The following PCDHGA8 variants were observed in gnomAD, a reference collection of about 807,000 sequenced individuals.
PCDHGA8 encodes protocadherin gamma-A8.
In PCDHGA8, 45 loss-of-function variants were observed where a neutral mutation model predicts 59.2. The observed-to-expected ratio is 0.76, with a 90% CI of 0.60 to 0.98. The LOEUF (loss-of-function observed/expected upper bound fraction) is 0.98. Ranked by LOEUF, PCDHGA8 falls within the 50% of genes least tolerant of loss-of-function variation. The pLI, the probability that PCDHGA8 is intolerant of heterozygous loss-of-function variation, is 0.00. For synonymous variants in PCDHGA8, 531 were observed against 519.0 expected (o/e 1.02, Z -0.32); for missense variants, 1,257 against 1,196.2 (o/e 1.05, Z -0.75).
chr5:141,502,516 A>G (rs947349505), intron 2 of PCDHGA8, among the ~76,000 whole-genome samples: 1 of 152,146 alleles, frequency 6.6e-6, no homozygotes, highest in African/African-American at 2.4e-5. Flanking sequence ...TCCCACTATC[A>G]GTGATGCCGA....
At position 141,431,776 on chromosome 5, in the gene PCDHGA8, C is replaced by A; in HGVS notation, c.2424+36539C>A. Reference sequence around the variant, plus strand: ...CCAAAGTCCTGATCACTGTTCTGGACGTGAACGACAATGCCCCAGAAGTGG... The same window carrying A: ...CCAAAGTCCTGATCACTGTTCTGGAAGTGAACGACAATGCCCCAGAAGTGG... On this transcript the variant is annotated intron_variant, in intron 1 of 3. Coordinates refer to ENST00000398604, the MANE Select transcript of PCDHGA8 (RefSeq NM_032088.2). The surrounding 1 kb of genome is among the most constrained non-coding windows in gnomAD (Gnocchi z 4.8). The A allele has an allele frequency of 6.2e-7, 1 of 1,614,228 alleles. No homozygotes were observed. The highest frequency in any genetic ancestry group is 8.5e-7 in the Non-Finnish European group (1 of 1,180,044).
chr5:141,393,735 G>C lies in PCDHGA8; in HGVS notation c.922G>C (p.Asp308His), dbSNP rs1478004701. The change falls in exon 1 of 4, where the codon GAT becomes CAT. Residue 308 changes from aspartate (D) to histidine (H), a missense_variant. Coordinates refer to ENST00000398604, the MANE Select transcript of PCDHGA8 (RefSeq NM_032088.2). ...TGEISIAKSL[D>H]YEECSFYEME... ...GGAAATATCAATAGCAAAAAGTCTA[G>C]ATTATGAAGAATGTTCATTTTATGA... 1.9e-6 allele frequency: 3 copies of C among 1,613,740 alleles called. No individual in the cohort carries two copies. The highest frequency in any genetic ancestry group is 1.7e-6 in the Non-Finnish European group (2 of 1,179,886).
At chr5:141,510,431 G>A (rs912708135) in intron 3 of PCDHGA8, among the ~76,000 whole-genome samples, 9 of 152,132 alleles carry the variant, frequency 5.9e-5, no homozygotes, top group African/African-American at 1.9e-4. Flanking sequence ...TTTCATGGCT[G>A]CTGCCCTCCA....
chr5:141,433,228 C>G (rs2097577964), intron 1 of PCDHGA8: 7 of 1,522,184 alleles, frequency 4.6e-6, no homozygotes, highest in Non-Finnish European at 5.4e-6. Flanking sequence ...TTTAATTGCT[C>G]TGTCTCCCAA....
rs748105196 is a variant in PCDHGA8 at position 141,486,849 on chromosome 5, A to G, written c.2425-7958A>G. ...GTTCGTCTATTTGTGCTGGACCTCA[A>G]TGACAATGCTCCAGCTGTGCTCCGT... is the stretch of plus-strand genomic sequence containing the variant. On this transcript the variant is annotated intron_variant, in intron 1 of 3. Coordinates refer to ENST00000398604, the MANE Select transcript of PCDHGA8 (RefSeq NM_032088.2). The surrounding 1 kb of genome is among the most constrained non-coding windows in gnomAD (Gnocchi z 5.0). 4.3e-6 allele frequency: 7 copies of G among 1,614,110 alleles called. No individual in the cohort carries two copies. The highest frequency in any genetic ancestry group is 5.1e-6 in the Non-Finnish European group (6 of 1,180,036).
chr5:141,403,069 A>G (rs747569947), intron 1 of PCDHGA8: 3 of 1,613,954 alleles, frequency 1.9e-6, no homozygotes, highest in African/African-American at 2.7e-5. Flanking sequence ...CTGAAGAGAC[A>G]GAAAAGGGCT....
intron 1 of PCDHGA8, among the ~76,000 whole-genome samples, chr5:141,457,444 G>T (rs1253183319): frequency 6.6e-6 from 1 of 152,134 alleles, no homozygotes; most frequent in African/African-American, 2.4e-5. Context: ...AGCTGCAGAA[G>T]ATCACCACTT....
intron 1 of PCDHGA8, among the ~76,000 whole-genome samples, chr5:141,401,533 C>T (rs998579261): frequency 5.9e-5 from 9 of 151,790 alleles, no homozygotes; most frequent in South Asian, 2.1e-4. Context: ...AAGAAACTTA[C>T]AAAAAAAAGG....
intron 1 of PCDHGA8, chr5:141,403,329 T>C (rs1325114096): frequency 1.2e-6 from 2 of 1,613,990 alleles, no homozygotes; most frequent in Admixed American, 1.7e-5. Context: ...GTAACTGATA[T>C]TAACGACAGC....
intron 1 of PCDHGA8, among the ~76,000 whole-genome samples, chr5:141,435,150 C>G (rs1256233613): frequency 6.6e-6 from 1 of 152,006 alleles, no homozygotes; most frequent in Non-Finnish European, 1.5e-5. Context: ...TTGTGATAAA[C>G]TTTTGTAAAT....
chr5:141,509,691 AC>A (rs1471858383), intron 3 of PCDHGA8, among the ~76,000 whole-genome samples: 5 of 152,064 alleles, frequency 3.3e-5, no homozygotes, highest in African/African-American at 1.2e-4. Flanking sequence ...GTACAGTGGG[AC>A]GTTGGACTGG....
chr5:141,407,949 C>T, intron 1 of PCDHGA8: 1 of 575,256 alleles, frequency 1.7e-6, no homozygotes, highest in Non-Finnish European at 2.8e-6. Context: ...CCGCTGTCGG[C>T]CAGTGCAGAG....
Position 141,394,362 on chromosome 5 carries a change from C to T in PCDHGA8, c.1549C>T (p.Leu517=). 6.2e-7 allele frequency: 1 copy of T among 1,614,174 alleles called. No individual in the cohort carries two copies. Among genetic ancestry groups the T allele is most frequent in the Non-Finnish European group, 8.5e-7 (1 of 1,180,026 alleles). The part of the protein sequence containing the change: ...INSDTGVLYA[L]QSFDYEQIRD... Reference sequence around the variant, plus strand: ...CTCTGACACCGGTGTCCTGTATGCGCTGCAATCTTTCGACTATGAGCAGAT... The same window carrying T: ...CTCTGACACCGGTGTCCTGTATGCGTTGCAATCTTTCGACTATGAGCAGAT... Residue 517 remains leucine (L), a synonymous_variant, in exon 1 of 4, where the codon CTG becomes TTG. Transcript: ENST00000398604.
chr5:141,476,206 C>A lies in PCDHGA8; in HGVS notation c.2425-18601C>A. On this transcript the variant is annotated intron_variant, in intron 1 of 3. Transcript: ENST00000398604. This position sits in a 1 kb window ranked among gnomAD's most constrained non-coding sequence, Gnocchi z 7.6. ...TGCTTGGTGCCTTGAACAAGGCTTC[C>A]ACGGTCATTCACTATGAGATCCCGG... 1 of 1,613,930 alleles carries A rather than the reference C, an allele frequency of 6.2e-7. No individual in the cohort carries two copies. The highest frequency in any genetic ancestry group is 1.7e-5 in the Admixed American group (1 of 60,004).
rs749086929 is a variant in PCDHGA8, at chr5:141,485,998, T to A, written c.2425-8809T>A. ...CAGACCCGGACCTGGGTCCCAGTGG[T>A]AACGTCACCTTTTATTTCAGTGGTC... On this transcript the variant is annotated intron_variant, in intron 1 of 3. Transcript: ENST00000398604. The surrounding 1 kb of genome is among the most constrained non-coding windows in gnomAD (Gnocchi z 5.7). 2.4e-5 allele frequency: 38 copies of A among 1,614,068 alleles called. No individual in the cohort carries two copies. Among genetic ancestry groups the A allele is most frequent in the Non-Finnish European group, 3.1e-5 (37 of 1,180,046 alleles).
intron 2 of PCDHGA8, among the ~76,000 whole-genome samples, chr5:141,501,890 A>G (rs1046816316): frequency 6.6e-6 from 1 of 151,980 alleles, no homozygotes; most frequent in Non-Finnish European, 1.5e-5. Flanking sequence ...CCTGATCATC[A>G]TGGTTCCAAC....
chr5:141,418,284 T>A (rs766608852), intron 1 of PCDHGA8: 19 of 1,613,826 alleles, frequency 1.2e-5, no homozygotes, highest in Non-Finnish European at 1.4e-5. Flanking sequence ...AACTTAGAAA[T>A]CAGTGAATCC....
chr5:141,477,835 T>G lies in PCDHGA8; in HGVS notation c.2425-16972T>G. ...CCCAGGTCCTATATCCTCGGCCAGG[T>G]GGGAGCTCGGTGGAGATGCTGCCTC... On this transcript the variant is annotated intron_variant, in intron 1 of 3. Coordinates refer to ENST00000398604, the MANE Select transcript of PCDHGA8 (RefSeq NM_032088.2). This position sits in a 1 kb window ranked among gnomAD's most constrained non-coding sequence, Gnocchi z 4.9. The G allele has an allele frequency of 6.2e-7, 1 of 1,614,090 alleles. No individual in the cohort carries two copies. Among genetic ancestry groups the G allele is most frequent in the South Asian group, 1.1e-5 (1 of 91,072 alleles).
chr5:141,419,698 G>A, intron 1 of PCDHGA8: 1 of 1,612,978 alleles, frequency 6.2e-7, no homozygotes, highest in Non-Finnish European at 8.5e-7. Context: ...AGGCCAGTGA[G>A]CCCGGGCTCT....
Sources: gnomAD v4.1 joint callset for allele counts (sites outside exome capture counted in the v4.1 genomes callset) on GRCh38, gnomAD v4.1.1 for gene constraint, Gnocchi (gnomAD v3.1) non-coding constraint, MANE v1.5 for transcripts, NCBI Gene and HGNC (gene_info 2026-07-23, HGNC 2026-07-21) for gene names.